The following BRD4 variants were observed in gnomAD, a reference collection of about 807,000 sequenced individuals.
The protein encoded by BRD4 is bromodomain-containing protein 4.
Under a neutral mutation model 142.1 loss-of-function variants are expected in BRD4, and 16 were observed. That is an observed-to-expected ratio of 0.11 (90% CI 0.08 to 0.17). The LOEUF is 0.17. Among genes scored for constraint, BRD4 ranks in the 10% least tolerant of loss-of-function variants. The pLI, the probability that BRD4 is intolerant of heterozygous loss-of-function variation, is 1.00. For missense variants in BRD4, 1,424 were observed against 1,810.9 expected (o/e 0.79, Z 3.88); for synonymous variants, 833 against 707.5 (o/e 1.18, Z -2.82).
chr19:15,308,090 CAA>C (rs918712580), intron 1 of BRD4, among the ~76,000 whole-genome samples: 1 of 103,722 alleles, frequency 9.6e-6, no homozygotes, highest in Non-Finnish European at 1.8e-5. Context: ...CCAGCCTGCA[CAA>C]AAGAGTGAGT....
At chr19:15,268,853 G>A (rs374255669) in intron 3 of BRD4, 52 bp downstream of exon 3, 185 of 1,601,032 alleles carry the variant, frequency 1.2e-4, no homozygotes, top group Non-Finnish European at 1.4e-4. Context: ...CACTGCCGTC[G>A]CCTCCCCTCC....
chr19:15,290,433 T>C (rs2047773372), intron 1 of BRD4, among the ~76,000 whole-genome samples: 2 of 152,144 alleles, frequency 1.3e-5, no homozygotes, highest in Non-Finnish European at 1.5e-5. Flanking sequence ...GAAATCAAAA[T>C]GCATTATACT....
Position 15,239,675 on chromosome 19 carries a change from G to A in BRD4, c.3429C>T (p.Pro1143=), listed in dbSNP as rs201578775. ...PPKHPESIKA[P]VHLPQRPEMK... is the part of the protein sequence containing the mutation. ...AGCACTCACGCTGGGGCAGGTGGAC[G>A]GGGGCCTTGATGCTCTCCGGGTGCT... The change falls in exon 16 of 20, where the codon CCC becomes CCT. Residue 1143 remains proline, a synonymous_variant. Coordinates refer to ENST00000679869, the MANE Select transcript of BRD4 (RefSeq NM_001379291.1). This position sits in a 1 kb window ranked among gnomAD's most constrained non-coding sequence, Gnocchi z 7.4. The A allele has an allele frequency of 5.7e-5, 91 of 1,584,128 alleles. No individual in the cohort carries two copies. The South Asian group carries it at 6.6e-4, about 11-fold the overall frequency.
At chr19:15,279,987 GC>G (rs2047689950) in intron 1 of BRD4, among the ~76,000 whole-genome samples, 1 of 152,178 alleles carries the variant, frequency 6.6e-6, no homozygotes, top group African/African-American at 2.4e-5. Context: ...ACTTAGCAGA[GC>G]TTTATGCAAG....
intron 11 of BRD4, chr19:15,247,841 A>G (rs2047304648): frequency 4.3e-6 from 1 of 231,350 alleles, no homozygotes; most frequent in African/African-American, 2.2e-5. Flanking sequence ...AAGGATCAAG[A>G]GCAGCCCAGG....
intron 7 of BRD4, among the ~76,000 whole-genome samples, 177 bp downstream of exon 7, chr19:15,263,243 A>T (rs559813652): frequency 9.0e-4 from 137 of 152,330 alleles, no homozygotes; most frequent in Non-Finnish European, 1.2e-3. Context: ...CTTTAATTGA[A>T]TAACCCCAAC....
chr19:15,254,332 C>T (rs2047383155), intron 10 of BRD4, 70 bp from the exon 11 acceptor site: 4 of 1,291,650 alleles, frequency 3.1e-6, no homozygotes, highest in African/African-American at 1.5e-5. Context: ...GCCATGGGCA[C>T]ACCCCATCCA....
intron 1 of BRD4, among the ~76,000 whole-genome samples, chr19:15,308,241 G>A (rs570077044): frequency 6.5e-4 from 86 of 132,408 alleles, no homozygotes; most frequent in African/African-American, 2.4e-3. Flanking sequence ...GGTCATGCAT[G>A]TGACTCACCA....
At chr19:15,256,312 C>T in intron 8 of BRD4, 49 bp from the exon 9 acceptor site, 1 of 1,585,352 alleles carries the variant, frequency 6.3e-7, no homozygotes, top group South Asian at 1.2e-5. Context: ...AACCACCTTC[C>T]TGTCACCCAA....
At chr19:15,257,636 G>C (rs899784700) in intron 7 of BRD4, among the ~76,000 whole-genome samples, 2 of 152,142 alleles carry the variant, frequency 1.3e-5, no homozygotes, top group East Asian at 1.9e-4. Context: ...GAGGTCCCCG[G>C]TGGGAATGTA....
At chr19:15,253,833 C>CACA (rs1347005587) in intron 11 of BRD4, 2 of 1,481,398 alleles carry the variant, frequency 1.4e-6, no homozygotes, top group African/African-American at 2.8e-5. Flanking sequence ...CCCCCACGCC[C>CACA]ACAGTCCTCA....
chr19:15,242,547 C>T (rs1418432066), intron 14 of BRD4, among the ~76,000 whole-genome samples: 4 of 152,108 alleles, frequency 2.6e-5, no homozygotes, highest in South Asian at 2.1e-4. Context: ...TACCTGTCTG[C>T]GATCACTGCC....
At chr19:15,276,499 C>T (rs1262759575) in intron 1 of BRD4, among the ~76,000 whole-genome samples, 1 of 145,412 alleles carries the variant, frequency 6.9e-6, no homozygotes, top group East Asian at 2.0e-4. Flanking sequence ...GGCTCACAGA[C>T]TCTCTCTCTC....
At chr19:15,300,174 G>A (rs774379885) in intron 1 of BRD4, among the ~76,000 whole-genome samples, 2 of 152,180 alleles carry the variant, frequency 1.3e-5, no homozygotes, top group Non-Finnish European at 2.9e-5. Flanking sequence ...GAACCCGGGA[G>A]GCAGAGGCTG....
chr19:15,243,196 A>AG lies in BRD4; in HGVS notation c.2872dup (p.Leu958ProfsTer135). 3 of 36,238 alleles carry AG rather than the reference A, an allele frequency of 8.3e-5. No homozygotes were observed. Among genetic ancestry groups the AG allele is most frequent in the Non-Finnish European group, 1.3e-4 (3 of 23,158 alleles). 2.2% of individuals were successfully genotyped at this position (36,238 alleles called of 1,614,324 possible). On this transcript the variant is annotated frameshift_variant, in exon 14 of 20. Transcript: ENST00000679869. LOFTEE classifies it high-confidence loss of function. ...CACAGAGGGGTGGGGTGGGGGCGGCAGGGGGGGTGGGGGCTGGGACTGCAC... is the reference window on the plus strand; with the variant it reads ...CACAGAGGGGTGGGGTGGGGGCGGCAGGGGGGGGTGGGGGCTGGGACTGCAC...
At position 15,244,488 on chromosome 19, in the gene BRD4, T is replaced by G. The variant is rs1465213842; in HGVS notation, c.2324A>C (p.Gln775Pro). Reference sequence around the variant, plus strand: ...GGGTGGGGGAGGCGGGGGTGGCGGCTGCTGTTGCTGCTGCGGAGGTGGAGG... The same window carrying G: ...GGGTGGGGGAGGCGGGGGTGGCGGCGGCTGTTGCTGCTGCGGAGGTGGAGG... ...PPPPPPQQQQ[Q>P]PPPPPPPPSM... The change falls in exon 13 of 20, where the codon CAG (glutamine) becomes CCG (proline). Residue 775 changes from glutamine (Q) to proline (P), a missense_variant. By Grantham distance (76) the Gln-to-Pro change is moderately conservative. Transcript: ENST00000679869. 1 of 1,293,572 alleles carries G rather than the reference T, an allele frequency of 7.7e-7. No individual in the cohort carries two copies. The highest frequency in any genetic ancestry group is 2.6e-5 in the Admixed American group (1 of 38,810). The allele number at this position is 1,293,572 out of a possible 1,614,324, so 80.1% of individuals were successfully genotyped here.
At chr19:15,283,663 A>C (rs1224620914) in intron 1 of BRD4, among the ~76,000 whole-genome samples, 1 of 152,218 alleles carries the variant, frequency 6.6e-6, no homozygotes, top group Admixed American at 6.5e-5. Context: ...TGAACTCTTG[A>C]AACAGATCCA....
intron 1 of BRD4, among the ~76,000 whole-genome samples, chr19:15,314,266 C>T (rs1319574653): frequency 6.6e-6 from 1 of 152,200 alleles, no homozygotes; most frequent in African/African-American, 2.4e-5. Flanking sequence ...TGAAAGATGT[C>T]AGACAAAGCA....
intron 6 of BRD4, among the ~76,000 whole-genome samples, chr19:15,263,919 T>C (rs1195682214): frequency 1.3e-5 from 2 of 152,230 alleles, no homozygotes; most frequent in African/African-American, 4.8e-5. Context: ...TGCCCCATGC[T>C]TGGGACTCCA....
Sources: allele counts gnomAD v4.1 joint callset (sites outside exome capture counted in the v4.1 genomes callset), GRCh38; gene constraint gnomAD v4.1.1; non-coding constraint Gnocchi (gnomAD v3.1); transcripts MANE v1.5; gene names NCBI Gene and HGNC (gene_info 2026-07-23, HGNC 2026-07-21).